TRAPPC9: variants seen among roughly 807,000 people sequenced by gnomAD.
TRAPPC9 encodes IKK2 binding protein.
TRAPPC9 carries 83 observed loss-of-function variants against 124.0 expected under a neutral mutation model. That is an observed-to-expected ratio of 0.67 (90% CI 0.56 to 0.80). The LOEUF is 0.80. Among genes scored for constraint, TRAPPC9 ranks in the 30% least tolerant of loss-of-function variants. The pLI, the probability that TRAPPC9 is intolerant of heterozygous loss-of-function variation, is 0.00. For missense variants in TRAPPC9, 1,302 were observed against 1,508.3 expected (o/e 0.86, Z 2.27); for synonymous variants, 638 against 617.5 (o/e 1.03, Z -0.49).
At chr8:140,183,942 GAGA>G (rs2062281023) in intron 17 of TRAPPC9, among the ~76,000 whole-genome samples, 4 of 57,076 alleles carry the variant, frequency 7.0e-5, no homozygotes, top group African/African-American at 1.6e-4. Flanking sequence ...GAGAGGAGAG[GAGA>G]GGAGAGGGGA....
At chr8:139,954,154 G>C (rs570396169) in intron 19 of TRAPPC9, among the ~76,000 whole-genome samples, 1 of 152,352 alleles carries the variant, frequency 6.6e-6, no homozygotes, top group African/African-American at 2.4e-5. Context: ...AGGGAGCGAT[G>C]ATGAGGGCAC....
At chr8:139,856,107 C>T (rs1286774837) in intron 21 of TRAPPC9, among the ~76,000 whole-genome samples, 1 of 152,168 alleles carries the variant, frequency 6.6e-6, no homozygotes, top group African/African-American at 2.4e-5. Flanking sequence ...ACGCACACAG[C>T]CAGGGACACG....
At chr8:140,210,365 C>G (rs527365750) in intron 17 of TRAPPC9, among the ~76,000 whole-genome samples, 1 of 152,214 alleles carries the variant, frequency 6.6e-6, no homozygotes, top group Non-Finnish European at 1.5e-5. Flanking sequence ...AAACTCCAGG[C>G]GCAGGGCCCA....
In TRAPPC9 at chr8:140,287,733, C is replaced by A. The variant is rs762759355; in HGVS notation, c.1856G>T (p.Gly619Val). The A allele has an allele frequency of 1.9e-6, 3 of 1,614,170 alleles. No homozygotes were observed. Among genetic ancestry groups the A allele is most frequent in the Non-Finnish European group, 2.5e-6 (3 of 1,180,036 alleles). Reference sequence around the variant, plus strand: ...GAACTCCACTCCGCTGGTGAGCAGCCCCTAAACCAAGCGACGCAGCATCGT... The same window carrying A: ...GAACTCCACTCCGCTGGTGAGCAGCACCTAAACCAAGCGACGCAGCATCGT... ...MPFELRVENM[G>V]LLTSGVEFES... Residue 619 changes from glycine to valine, a missense_variant and splice_region_variant, in exon 13 of 23, where the codon GGG becomes GTG. Transcript: ENST00000438773.
chr8:140,357,014 G>A (rs966758435), intron 9 of TRAPPC9, among the ~76,000 whole-genome samples: 10 of 152,198 alleles, frequency 6.6e-5, no homozygotes, highest in African/African-American at 1.9e-4. Context: ...TCACACCTCA[G>A]CAGCCATGCA....
intron 4 of TRAPPC9, among the ~76,000 whole-genome samples, chr8:140,429,061 TTTTG>T (rs993305087): frequency 7.4e-5 from 11 of 148,320 alleles, no homozygotes; most frequent in African/African-American, 2.7e-4. Context: ...GGGTTTTTTG[TTTTG>T]TTTTTTGTTT....
At chr8:140,146,792 T>C (rs1393036715) in intron 17 of TRAPPC9, among the ~76,000 whole-genome samples, 2 of 151,994 alleles carry the variant, frequency 1.3e-5, no homozygotes, top group Admixed American at 6.6e-5. Context: ...GTGAAACTAC[T>C]TGCTCTGTCA....
At chr8:139,766,589 T>C (rs543895876) in intron 21 of TRAPPC9, among the ~76,000 whole-genome samples, 12 of 152,348 alleles carry the variant, frequency 7.9e-5, no homozygotes, top group South Asian at 2.1e-4. Flanking sequence ...GATCAGGACC[T>C]GGGAGTGCAC....
chr8:139,788,514 G>C lies in TRAPPC9; in HGVS notation c.3056-56312C>G, dbSNP rs1054980597. Among the ~76,000 whole-genome samples, 2 of 152,186 alleles carry C rather than the reference G, an allele frequency of 1.3e-5. No homozygotes were observed. Among genetic ancestry groups the C allele is most frequent in the Non-Finnish European group, 2.9e-5 (2 of 68,034 alleles). Reference sequence around the variant, plus strand: ...CTCCAGGCACAGCCAGCCATCGGGCGGCCCATGGTCCTGGGGCATGGCAGC... The same window carrying C: ...CTCCAGGCACAGCCAGCCATCGGGCCGCCCATGGTCCTGGGGCATGGCAGC... On this transcript the variant is annotated intron_variant, in intron 21 of 22. Coordinates refer to ENST00000438773, the MANE Select transcript of TRAPPC9 (RefSeq NM_001160372.4). This position sits in a 1 kb window ranked among gnomAD's most constrained non-coding sequence, Gnocchi z 4.9.
chr8:140,212,104 C>A (rs890377636), intron 17 of TRAPPC9, among the ~76,000 whole-genome samples: 1 of 152,204 alleles, frequency 6.6e-6, no homozygotes, highest in Non-Finnish European at 1.5e-5. Flanking sequence ...AAGCAAAGAG[C>A]CTGCGCTCAG....
chr8:139,910,425 G>A (rs971649667), intron 19 of TRAPPC9, 125 bp from the exon 20 acceptor site: 17 of 1,034,960 alleles, frequency 1.6e-5, no homozygotes, highest in African/African-American at 9.5e-5. Context: ...AATTCATAAC[G>A]GATTCATTCC....
chr8:139,941,522 G>A (rs1833922636), intron 19 of TRAPPC9, among the ~76,000 whole-genome samples: 1 of 152,202 alleles, frequency 6.6e-6, no homozygotes, highest in Non-Finnish European at 1.5e-5. Context: ...GGGCTGGCAG[G>A]AGGGCAGTCA....
Position 140,302,442 on chromosome 8 carries a change from A to C in TRAPPC9, c.1623-1828T>G, listed in dbSNP as rs4311638. Among the ~76,000 whole-genome samples, 2 of 152,028 alleles carry C rather than the reference A, an allele frequency of 1.3e-5. 1 individual carries two copies. Among genetic ancestry groups the C allele is most frequent in the Non-Finnish European group, 2.9e-5 (2 of 68,008 alleles). ...CAGGACCTTATCTGTCTGTAGCTGC[A>C]GAACTAATAAAAATTGTACTTAGCC... On this transcript the variant is annotated intron_variant, in intron 10 of 22. Coordinates refer to ENST00000438773, the MANE Select transcript of TRAPPC9 (RefSeq NM_001160372.4).
chr8:139,896,783 C>A (rs1172176907), intron 20 of TRAPPC9, among the ~76,000 whole-genome samples: 1 of 152,262 alleles, frequency 6.6e-6, no homozygotes, highest in East Asian at 1.9e-4. Context: ...GTGTCCACAC[C>A]AAGCCTGGCC....
chr8:140,037,008 C>G (rs961199203), intron 17 of TRAPPC9, among the ~76,000 whole-genome samples: 3 of 152,064 alleles, frequency 2.0e-5, no homozygotes, highest in African/African-American at 7.2e-5. Context: ...CCCCCCACCC[C>G]CGACAGGCCC....
intron 17 of TRAPPC9, among the ~76,000 whole-genome samples, chr8:140,069,691 G>A (rs73725386): frequency 0.016 from 2,487 of 152,240 alleles, 65 homozygotes; most frequent in African/African-American, 0.056. Flanking sequence ...CAGACACAGT[G>A]TGTGTGCACA....
At chr8:140,222,135 C>T (rs2063350184) in intron 16 of TRAPPC9, among the ~76,000 whole-genome samples, 1 of 152,096 alleles carries the variant, frequency 6.6e-6, no homozygotes, top group African/African-American at 2.4e-5. Context: ...TCTGCTGAGC[C>T]GCTCCTCAGG....
chr8:140,345,897 G>A (rs2067335427), intron 9 of TRAPPC9, among the ~76,000 whole-genome samples: 2 of 152,234 alleles, frequency 1.3e-5, no homozygotes, highest in African/African-American at 2.4e-5. Flanking sequence ...CTGGGCCGCT[G>A]ACAGAATGGA....
intron 9 of TRAPPC9, among the ~76,000 whole-genome samples, chr8:140,352,377 G>C (rs1171441562): frequency 6.6e-6 from 1 of 152,224 alleles, no homozygotes; most frequent in Admixed American, 6.5e-5. Flanking sequence ...AGCGACAGTT[G>C]TTTCGGAAGT....
Sources: gnomAD v4.1 joint callset for allele counts (sites outside exome capture counted in the v4.1 genomes callset) on GRCh38, gnomAD v4.1.1 for gene constraint, Gnocchi (gnomAD v3.1) non-coding constraint, MANE v1.5 for transcripts, NCBI Gene and HGNC (gene_info 2026-07-23, HGNC 2026-07-21) for gene names.